The following PLS3 variants were observed in gnomAD, a reference collection of about 807,000 sequenced individuals.
PLS3 encodes the protein plastin 3.
PLS3 carries 11 observed loss-of-function variants against 46.5 expected under a neutral mutation model. That is an observed-to-expected ratio of 0.24 (90% CI 0.15 to 0.39). The LOEUF (loss-of-function observed/expected upper bound fraction) is 0.39, where lower values mean the gene tolerates loss of function less well. Among genes scored for constraint, PLS3 ranks in the 10% least tolerant of loss-of-function variants. PLS3 has a pLI of 1.00. For missense variants in PLS3, 308 were observed against 461.8 expected (o/e 0.67, Z 3.05); for synonymous variants, 167 against 162.2 (o/e 1.03, Z -0.22).
Position 115,645,959 on chromosome X carries a change from G to C in PLS3, c.1263-113G>C, listed in dbSNP as rs111881150. On this transcript the variant is annotated intron_variant, in intron 11 of 15. Transcript: ENST00000355899. The stretch of plus-strand genomic sequence containing the variant: ...AGATTGATAGAAAATATGAGTCTTG[G>C]GTATTATTTATGGTTTTATATATCT... The C allele has an allele frequency of 2.2e-3, 1,053 of 484,874 alleles. 4 individuals carry two copies. In the African/African-American group the frequency reaches 0.022, roughly 10 times the overall value. The allele number at this position is 484,874 out of a possible 1,213,427, so 40.0% of individuals were successfully genotyped here.
chrX:115,566,240 C>T (rs1306938344), intron 1 of PLS3, among the ~76,000 whole-genome samples: 1 of 112,139 alleles, frequency 8.9e-6, no homozygotes, highest in Admixed American at 9.5e-5. Context: ...TTTTCTTTGT[C>T]TGTAAAAGTT....
chrX:115,598,090 C>T (rs2074406550), intron 1 of PLS3, among the ~76,000 whole-genome samples: 1 of 110,055 alleles, frequency 9.1e-6, no homozygotes, highest in African/African-American at 3.3e-5. Context: ...CACTTGAGCC[C>T]AGGAGTTCAA....
chrX:115,600,558 G>T (rs1237264722), intron 1 of PLS3, among the ~76,000 whole-genome samples: 1 of 112,177 alleles, frequency 8.9e-6, no homozygotes, highest in African/African-American at 3.2e-5. Context: ...AATTACACAA[G>T]TTTTTGTGTG....
At position 115,618,098 on chromosome X, in the gene PLS3, C is replaced by T. The variant is rs112100142; in HGVS notation, c.74-4148C>T. Among the ~76,000 whole-genome samples the T allele has an allele frequency of 6.2e-3, 693 of 111,449 alleles. 2 individuals are homozygous for T. The highest frequency in any genetic ancestry group is 0.021 in the African/African-American group (640 of 30,724). ...TGAGCCACCAGTCCCAGCCACCAGACCTGTAGTCTAACCTAATACAAATAG... is the reference window on the plus strand; with the variant it reads ...TGAGCCACCAGTCCCAGCCACCAGATCTGTAGTCTAACCTAATACAAATAG... On this transcript the variant is annotated intron_variant, in intron 2 of 15. Coordinates refer to ENST00000355899, the MANE Select transcript of PLS3 (RefSeq NM_005032.7).
chrX:115,629,633 A>G (rs1556638967), intron 4 of PLS3, among the ~76,000 whole-genome samples: 2 of 111,758 alleles, frequency 1.8e-5, no homozygotes, highest in Non-Finnish European at 3.8e-5. Flanking sequence ...GGACTGGTTA[A>G]CGTGTTCTAT....
At chrX:115,644,255 G>C (rs1200779409) in intron 10 of PLS3, among the ~76,000 whole-genome samples, 1 of 110,312 alleles carries the variant, frequency 9.1e-6, no homozygotes, top group African/African-American at 3.3e-5. Flanking sequence ...TGGAAAGGCA[G>C]AGTTTACCTT....
intron 1 of PLS3, among the ~76,000 whole-genome samples, chrX:115,595,781 C>T (rs1378477151): frequency 4.7e-5 from 5 of 105,337 alleles, no homozygotes; most frequent in Non-Finnish European, 9.7e-5. Flanking sequence ...CTCCACCTCC[C>T]GGGTTCAAGC....
At chrX:115,599,336 CAAA>C (rs1226830291) in intron 1 of PLS3, among the ~76,000 whole-genome samples, 4 of 32,414 alleles carry the variant, frequency 1.2e-4, no homozygotes, top group African/African-American at 3.9e-4. Context: ...CCTGTCTCTA[CAAA>C]AAAAAAAAAA....
chrX:115,647,823 C>G (rs890551676), intron 14 of PLS3, 70 bp from the exon 15 acceptor site: 1 of 1,174,774 alleles, frequency 8.5e-7, no homozygotes, highest in African/African-American at 1.8e-5. Flanking sequence ...GTTTTTGGCA[C>G]TTGATATAAG....
At chrX:115,579,061 C>A (rs1232747276) in intron 1 of PLS3, among the ~76,000 whole-genome samples, 3 of 111,692 alleles carry the variant, frequency 2.7e-5, no homozygotes, top group Non-Finnish European at 3.8e-5. Context: ...ACACCTCCTT[C>A]CTCCCCTGAC....
chrX:115,611,020 C>T (rs931958757), intron 2 of PLS3: 1 of 446,470 alleles, frequency 2.2e-6, no homozygotes, highest in African/African-American at 2.4e-5. Context: ...TATGTAAATA[C>T]ATGAATCAAC....
chrX:115,617,544 C>A (rs1219443467), intron 2 of PLS3, among the ~76,000 whole-genome samples: 1 of 111,685 alleles, frequency 9.0e-6, no homozygotes, highest in Non-Finnish European at 1.9e-5. Context: ...AGTGATTCTA[C>A]AAAAATAATT....
chrX:115,622,677 T>G (rs782143161), intron 3 of PLS3, among the ~76,000 whole-genome samples: 3 of 111,392 alleles, frequency 2.7e-5, no homozygotes, highest in Non-Finnish European at 5.6e-5. Context: ...AACAGTCTCC[T>G]TTCATGTCAT....
chrX:115,609,922 A>C (rs1462318756), intron 1 of PLS3, among the ~76,000 whole-genome samples: 3 of 112,191 alleles, frequency 2.7e-5, no homozygotes, highest in Non-Finnish European at 5.6e-5. Context: ...GCTTTGGCTC[A>C]TATAACCAAG....
chrX:115,630,835 GTA>G (rs1262406015), intron 5 of PLS3, among the ~76,000 whole-genome samples: 135 of 88,788 alleles, frequency 1.5e-3, no homozygotes, highest in Middle Eastern at 5.8e-3. Flanking sequence ...ATGTATATAT[GTA>G]TATATATGTA....
At chrX:115,561,800 G>A in intron 1 of PLS3, among the ~76,000 whole-genome samples, 1 of 111,564 alleles carries the variant, frequency 9.0e-6, no homozygotes, top group Non-Finnish European at 1.9e-5. Context: ...CGACCCTGGG[G>A]CTCTGGAGAG....
intron 2 of PLS3, among the ~76,000 whole-genome samples, chrX:115,619,677 G>C (rs2074630318): frequency 8.9e-6 from 1 of 112,597 alleles, no homozygotes; most frequent in Non-Finnish European, 1.9e-5. Context: ...TTCACACTAA[G>C]TATTGAATGG....
chrX:115,591,983 C>G (rs1199873176), intron 1 of PLS3, among the ~76,000 whole-genome samples: 1 of 111,831 alleles, frequency 8.9e-6, no homozygotes, highest in African/African-American at 3.3e-5. Flanking sequence ...TAAAGCACTT[C>G]CATGAAGGAG....
intron 1 of PLS3, among the ~76,000 whole-genome samples, chrX:115,599,602 T>C (rs1385015949): frequency 6.8e-5 from 7 of 103,376 alleles, no homozygotes; most frequent in Non-Finnish European, 1.4e-4. Flanking sequence ...TTTTTTTTTT[T>C]CCAGCTATGC....
Sources: allele counts gnomAD v4.1 joint callset (sites outside exome capture counted in the v4.1 genomes callset), GRCh38; gene constraint gnomAD v4.1.1; transcripts MANE v1.5; gene names NCBI Gene and HGNC (gene_info 2026-07-23, HGNC 2026-07-21).